The following POLR3GL variants were observed in gnomAD, a reference collection of about 807,000 sequenced individuals.
POLR3GL encodes the protein DNA-directed RNA polymerase III subunit RPC7-like.
A neutral mutation model predicts 32.4 loss-of-function variants in POLR3GL; 26 were observed. The ratio of observed to expected loss-of-function variants is 0.80; its 90% CI spans 0.59 to 1.11. The LOEUF (loss-of-function observed/expected upper bound fraction) is 1.11. Ranked by LOEUF, POLR3GL falls within the 50% of genes most tolerant of loss-of-function variation. The pLI is 0.00. For missense variants in POLR3GL, 229 were observed against 280.1 expected (o/e 0.82, Z 1.30); for synonymous variants, 95 against 98.7 (o/e 0.96, Z 0.22).
At position 145,975,383 on chromosome 1, in the gene POLR3GL, G is replaced by A. The variant is rs781783320; in HGVS notation, c.203G>A (p.Arg68Gln). ...EYVLALKQELRGAMRQLPYFI... is the reference protein window; with the variant it reads ...EYVLALKQELQGAMRQLPYFI... The stretch of plus-strand genomic sequence containing the variant: ...GTCCTGGCACTGAAGCAAGAGCTAC[G>A]AGGAGCCATGAGGCAGCTCCCCTAC... Residue 68 changes from arginine to glutamine, a missense_variant, in exon 3 of 8, where the codon CGA becomes CAA. Transcript: ENST00000369314. 9 of 1,614,030 alleles carry A rather than the reference G, an allele frequency of 5.6e-6. No homozygotes were observed. The highest frequency in any genetic ancestry group is 1.7e-5 in the Admixed American group (1 of 60,004).
chr1:145,971,883 T>G (rs1650315715), intron 1 of POLR3GL, among the ~76,000 whole-genome samples: 1 of 141,350 alleles, frequency 7.1e-6, no homozygotes, highest in Non-Finnish European at 1.5e-5. Context: ...GAGAGTCGCT[T>G]GCACCCGGGA....
intron 1 of POLR3GL, among the ~76,000 whole-genome samples, chr1:145,974,433 G>A (rs1409406037): frequency 1.3e-5 from 2 of 152,162 alleles, no homozygotes; most frequent in African/African-American, 4.8e-5. Flanking sequence ...GGAGGATCTT[G>A]AGCCCAGGGG....
intron 1 of POLR3GL, among the ~76,000 whole-genome samples, chr1:145,968,000 A>G (rs587740319): frequency 2.5e-4 from 38 of 152,354 alleles, no homozygotes; most frequent in African/African-American, 8.9e-4. Context: ...TAACCTCTAC[A>G]TGTACTGCCT....
chr1:145,977,450 T>G (rs1650610361), intron 4 of POLR3GL, 33 bp from the exon 5 acceptor site: 1 of 1,603,022 alleles, frequency 6.2e-7, no homozygotes, highest in Non-Finnish European at 8.5e-7. Context: ...CCAGGCAGGG[T>G]CCTATTGACA....
intron 1 of POLR3GL, among the ~76,000 whole-genome samples, chr1:145,972,278 G>A (rs952292947): frequency 5.3e-5 from 8 of 151,544 alleles, no homozygotes; most frequent in Admixed American, 1.3e-4. Flanking sequence ...TACTTGGGAG[G>A]CTGAGGCAGG....
chr1:145,974,891 G>A lies in POLR3GL; in HGVS notation c.26G>A (p.Gly9Asp), dbSNP rs1396271511. ...ATGGCCAGCCGGGGTGGGGGCCGGGGTCGTGGCCGGGGCCAGTTGACCTTC... is the reference window on the plus strand; with the variant it reads ...ATGGCCAGCCGGGGTGGGGGCCGGGATCGTGGCCGGGGCCAGTTGACCTTC... MASRGGGRGRGRGQLTFNV... is the reference protein window; with the variant it reads MASRGGGRDRGRGQLTFNV... Residue 9 changes from glycine to aspartate, a missense_variant, in exon 2 of 8, where the codon GGT becomes GAT. Transcript: ENST00000369314. The A allele has an allele frequency of 1.6e-5, 25 of 1,521,150 alleles. No individual in the cohort carries two copies. The Admixed American group carries it at 4.7e-4, about 29-fold the overall frequency. 94.2% of individuals were successfully genotyped at this position (1,521,150 alleles called of 1,614,324 possible).
chr1:145,978,801 A>G lies in POLR3GL; in HGVS notation c.*354A>G. ...ATAATTAGGGGTGGGAGCAGTTTGA[A>G]GGAGTAAGCCTGGTTTTATACTTTT... On this transcript the variant is annotated 3_prime_UTR_variant, in exon 8 of 8. Coordinates refer to ENST00000369314, the MANE Select transcript of POLR3GL (RefSeq NM_032305.3). 4.6e-6 allele frequency: 1 copy of G among 216,640 alleles called. No individual in the cohort carries two copies. The highest frequency in any genetic ancestry group is 9.1e-6 in the Non-Finnish European group (1 of 109,364). The allele number at this position is 216,640 out of a possible 1,614,324, so 13.4% of individuals were successfully genotyped here. A position where few individuals can be genotyped will look rare whatever the true frequency, so the allele number is the denominator to read the frequency against.
chr1:145,977,346 T>C (rs1571001283), intron 4 of POLR3GL, 137 bp from the exon 5 acceptor site: 1 of 900,872 alleles, frequency 1.1e-6, no homozygotes. Context: ...TCAGGAGATA[T>C]CCAAGCCACT....
intron 1 of POLR3GL, among the ~76,000 whole-genome samples, chr1:145,968,512 C>CTTA (rs1470239239): frequency 7.2e-5 from 11 of 151,998 alleles, no homozygotes; most frequent in Non-Finnish European, 1.6e-4. Context: ...TGGAAAGATA[C>CTTA]TTAACCAGCT....
intron 3 of POLR3GL, among the ~76,000 whole-genome samples, chr1:145,975,771 A>T (rs1650522921): frequency 6.6e-6 from 1 of 152,114 alleles, no homozygotes; most frequent in South Asian, 2.1e-4. Context: ...TTCTGGGCTC[A>T]AGAGATTCTC....
intron 1 of POLR3GL, among the ~76,000 whole-genome samples, chr1:145,970,249 G>C (rs1433519929): frequency 6.6e-6 from 1 of 152,060 alleles, no homozygotes; most frequent in East Asian, 1.9e-4. Context: ...GGGCTGAAGC[G>C]ATCCTTCCAC....
chr1:145,972,783 C>T (rs1553762894), intron 1 of POLR3GL, among the ~76,000 whole-genome samples: 1 of 152,054 alleles, frequency 6.6e-6, no homozygotes, highest in East Asian at 1.9e-4. Context: ...ATTGCAGCAT[C>T]AACCTCCCCG....
intron 1 of POLR3GL, among the ~76,000 whole-genome samples, chr1:145,969,504 C>T (rs1361552787): frequency 2.6e-5 from 4 of 151,734 alleles, no homozygotes; most frequent in Admixed American, 1.3e-4. Context: ...CCTTGTGATC[C>T]ACCTGCCTCG....
chr1:145,977,584 A>T, intron 5 of POLR3GL, 45 bp downstream of exon 5: 1 of 1,571,090 alleles, frequency 6.4e-7, no homozygotes, highest in Non-Finnish European at 8.8e-7. Context: ...GGTTTCCTTC[A>T]TCAGCCTGAG....
chr1:145,969,847 A>C (rs1400531410), intron 1 of POLR3GL, among the ~76,000 whole-genome samples: 1 of 148,814 alleles, frequency 6.7e-6, no homozygotes, highest in East Asian at 2.1e-4. Flanking sequence ...TGAACCCGTA[A>C]GGTGGAGGCT....
chr1:145,978,694 G>T lies in POLR3GL; in HGVS notation c.*247G>T. 1 of 487,404 alleles carries T rather than the reference G, an allele frequency of 2.1e-6. No individual in the cohort carries two copies. The highest frequency in any genetic ancestry group is 2.0e-5 in the African/African-American group (1 of 50,450). 30.2% of individuals were successfully genotyped at this position (487,404 alleles called of 1,614,324 possible). On this transcript the variant is annotated 3_prime_UTR_variant, in exon 8 of 8. Transcript: ENST00000369314. ...CTCAATTGTATGAAGGGAGAAAGGA[G>T]AATTGAAAGAAGAACTGGGGTTGTT...
At chr1:145,969,367 C>T (rs1187990746) in intron 1 of POLR3GL, among the ~76,000 whole-genome samples, 1 of 151,818 alleles carries the variant, frequency 6.6e-6, no homozygotes, top group East Asian at 2.0e-4. Flanking sequence ...CGGGTTCAAG[C>T]GATTCTCCTG....
intron 1 of POLR3GL, among the ~76,000 whole-genome samples, chr1:145,965,084 G>GA (rs1649958120): frequency 1.3e-5 from 2 of 152,214 alleles, no homozygotes; most frequent in Admixed American, 1.3e-4. Context: ...AAGACTAGCT[G>GA]AAATGCTACC....
intron 1 of POLR3GL, among the ~76,000 whole-genome samples, chr1:145,967,445 G>A (rs1227692383): frequency 6.6e-6 from 1 of 152,082 alleles, no homozygotes; most frequent in African/African-American, 2.4e-5. Context: ...CAAAACCCTG[G>A]ATTACAGGAG....
Sources: allele counts gnomAD v4.1 joint callset (sites outside exome capture counted in the v4.1 genomes callset), GRCh38; gene constraint gnomAD v4.1.1; transcripts MANE v1.5; gene names NCBI Gene and HGNC (gene_info 2026-07-23, HGNC 2026-07-21).